The following TTC7B variants were observed in gnomAD, a reference collection of about 807,000 sequenced individuals.
The protein encoded by TTC7B is tetratricopeptide repeat protein 7B.
Under a neutral mutation model 106.8 loss-of-function variants are expected in TTC7B, and 28 were observed. The observed-to-expected ratio is 0.26, with a 90% CI of 0.19 to 0.36. TTC7B has a LOEUF of 0.36. Among genes scored for constraint, TTC7B ranks in the 10% least tolerant of loss-of-function variants. The pLI, the probability that TTC7B is intolerant of heterozygous loss-of-function variation, is 1.00. For synonymous variants in TTC7B, 405 were observed against 430.6 expected, an observed-to-expected ratio of 0.94 and a Z score of 0.74; for missense variants, 862 against 1,076.4, an observed-to-expected ratio of 0.80 and a Z score of 2.79.
At chr14:90,723,954 A>G (rs966555897) in intron 5 of TTC7B, among the ~76,000 whole-genome samples, 5 of 152,156 alleles carry the variant, frequency 3.3e-5, no homozygotes, top group African/African-American at 1.2e-4. Flanking sequence ...CCCATGCTGA[A>G]AGCTTTATAG....
At chr14:90,792,755 G>A (rs1220929228) in intron 1 of TTC7B, among the ~76,000 whole-genome samples, 1 of 152,118 alleles carries the variant, frequency 6.6e-6, no homozygotes, top group Non-Finnish European at 1.5e-5. Context: ...TATTGGATGG[G>A]GGTGGGAGAG....
At chr14:90,783,851 T>C (rs528931884) in intron 2 of TTC7B, among the ~76,000 whole-genome samples, 1 of 151,838 alleles carries the variant, frequency 6.6e-6, no homozygotes, top group South Asian at 2.1e-4. Flanking sequence ...GCATAAGAAT[T>C]GCTTGAACCT....
intron 2 of TTC7B, among the ~76,000 whole-genome samples, chr14:90,785,587 A>G (rs1891359071): frequency 6.6e-6 from 1 of 152,166 alleles, no homozygotes; most frequent in African/African-American, 2.4e-5. Flanking sequence ...AAGGAAAGCC[A>G]CGTGAGAGGG....
intron 9 of TTC7B, among the ~76,000 whole-genome samples, chr14:90,661,184 A>G (rs1040870525): frequency 2.8e-4 from 43 of 152,324 alleles, no homozygotes; most frequent in African/African-American, 9.9e-4. Context: ...TTGCAGGGGG[A>G]ACCAAATAAA....
chr14:90,726,490 C>T (rs2139984492), intron 5 of TTC7B, among the ~76,000 whole-genome samples: 1 of 152,292 alleles, frequency 6.6e-6, no homozygotes, highest in Middle Eastern at 3.4e-3. Context: ...TGAATCTGGT[C>T]CCACTTTCAG....
At chr14:90,806,122 G>A (rs1595052920) in intron 1 of TTC7B, among the ~76,000 whole-genome samples, 1 of 152,292 alleles carries the variant, frequency 6.6e-6, no homozygotes, top group African/African-American at 2.4e-5. Context: ...CTGGTGGTTG[G>A]GATACAGCAA....
intron 5 of TTC7B, among the ~76,000 whole-genome samples, chr14:90,722,614 C>T (rs940378990): frequency 3.9e-5 from 6 of 152,192 alleles, no homozygotes; most frequent in African/African-American, 1.4e-4. Context: ...GTATACAGAG[C>T]TGCAATTCAT....
At chr14:90,745,609 C>G (rs1261342295) in intron 3 of TTC7B, among the ~76,000 whole-genome samples, 2 of 152,034 alleles carry the variant, frequency 1.3e-5, no homozygotes, top group Non-Finnish European at 2.9e-5. Context: ...TTAAACCAAC[C>G]TTCCTTTCCC....
intron 13 of TTC7B, chr14:90,648,238 A>G (rs1244670106): frequency 6.6e-6 from 1 of 152,246 alleles, no homozygotes; most frequent in Non-Finnish European, 1.5e-5. Flanking sequence ...CTTCCATTCC[A>G]GGGGACTCTT....
In TTC7B at chr14:90,759,710, C is replaced by G. The variant is rs183118785; in HGVS notation, c.446-14788G>C. 2.0e-5 allele frequency among the ~76,000 whole-genome samples: 3 copies of G among 152,314 alleles called. No individual in the cohort carries two copies. The East Asian group carries it at 5.8e-4, about 29-fold the overall frequency. ...ATTTGTTTTTATATCAGGCCCAAAC[C>G]AAAACCTATTCTGAAATGGAGTGGA... On this transcript the variant is annotated intron_variant, in intron 3 of 19. Transcript: ENST00000328459. This position sits in a 1 kb window ranked among gnomAD's most constrained non-coding sequence, Gnocchi z 4.1.
intron 5 of TTC7B, among the ~76,000 whole-genome samples, chr14:90,721,268 C>A (rs905801668): frequency 6.6e-6 from 1 of 152,152 alleles, no homozygotes; most frequent in Non-Finnish European, 1.5e-5. Context: ...AGCTTTCTGA[C>A]GGCATCAGAT....
At chr14:90,686,063 T>C (rs954027218) in intron 7 of TTC7B, among the ~76,000 whole-genome samples, 4 of 152,142 alleles carry the variant, frequency 2.6e-5, no homozygotes, top group Non-Finnish European at 5.9e-5. Context: ...CAGAATAGTA[T>C]CCTTTATAAA....
chr14:90,738,294 T>A (rs2139996394), intron 4 of TTC7B, among the ~76,000 whole-genome samples: 1 of 152,198 alleles, frequency 6.6e-6, no homozygotes, highest in East Asian at 1.9e-4. Context: ...ACCACTACTC[T>A]CCCATACAGC....
At chr14:90,630,036 C>T (rs547393553) in intron 15 of TTC7B, among the ~76,000 whole-genome samples, 58 of 152,338 alleles carry the variant, frequency 3.8e-4, no homozygotes, top group Non-Finnish European at 6.3e-4. Flanking sequence ...TGGGCCAGCA[C>T]CACTCCTAAT....
intron 3 of TTC7B, among the ~76,000 whole-genome samples, chr14:90,766,237 A>G (rs1381010920): frequency 7.0e-6 from 1 of 142,416 alleles, no homozygotes; most frequent in Non-Finnish European, 1.5e-5. Context: ...CTATTTTTCA[A>G]CAACATCAAA....
rs200338817 is a variant in TTC7B, at chr14:90,745,313, A to G, written c.446-391T>C. 2.5e-3 allele frequency among the ~76,000 whole-genome samples: 341 copies of G among 136,058 alleles called. 2 individuals are homozygous for G. The highest frequency in any genetic ancestry group is 6.2e-3 in the African/African-American group (227 of 36,372). The allele number at this position is 136,058 out of a possible 152,430, so 89.3% of individuals were successfully genotyped here. A position where few individuals can be genotyped will look rare whatever the true frequency, so the allele number is the denominator to read the frequency against. ...CCTGTCTCCCAAAAAAAAAAAAAAA[A>G]AAGAAGAAGAAGAAGAAGAAGTGGT... On this transcript the variant is annotated intron_variant, in intron 3 of 19. Transcript: ENST00000328459.
At chr14:90,806,734 TC>T (rs1208662234) in intron 1 of TTC7B, among the ~76,000 whole-genome samples, 8 of 151,844 alleles carry the variant, frequency 5.3e-5, no homozygotes, top group African/African-American at 1.9e-4. Context: ...TGGTGAAACC[TC>T]ATCTCTACAA....
chr14:90,741,718 A>G (rs1889773173), intron 4 of TTC7B, among the ~76,000 whole-genome samples: 1 of 152,226 alleles, frequency 6.6e-6, no homozygotes, highest in South Asian at 2.1e-4. Context: ...ACACACAACT[A>G]TCTTGCCACA....
At chr14:90,746,980 G>T (rs1195931545) in intron 3 of TTC7B, among the ~76,000 whole-genome samples, 1 of 152,202 alleles carries the variant, frequency 6.6e-6, no homozygotes, top group African/African-American at 2.4e-5. Flanking sequence ...GTTCCTGGGA[G>T]AAAAACTCTT....
Sources: gnomAD v4.1 joint callset for allele counts (sites outside exome capture counted in the v4.1 genomes callset) on GRCh38, gnomAD v4.1.1 for gene constraint, Gnocchi (gnomAD v3.1) non-coding constraint, MANE v1.5 for transcripts, NCBI Gene and HGNC (gene_info 2026-07-23, HGNC 2026-07-21) for gene names.